ADAMTS2: variants seen among roughly 807,000 people sequenced by gnomAD.
ADAMTS2 encodes ADAM metallopeptidase with thrombospondin type 1 motif 2.
Under a neutral mutation model 123.0 loss-of-function variants are expected in ADAMTS2, and 50 were observed. The observed-to-expected ratio is 0.41, with a 90% CI of 0.32 to 0.51. The LOEUF (loss-of-function observed/expected upper bound fraction) is 0.51, where lower values mean the gene tolerates loss of function less well. ADAMTS2 is among the 20% of genes least tolerant of loss of function. The probability of loss-of-function intolerance (pLI) is 0.35; values close to 1 mark genes in which losing one functional copy is unlikely to be tolerated. For synonymous variants in ADAMTS2, 678 were observed against 695.4 expected (o/e 0.98, Z 0.39); for missense variants, 1,494 against 1,705.2 (o/e 0.88, Z 2.18).
rs780603629 is a variant in ADAMTS2, at chr5:179,343,859, C to T, written c.442G>A (p.Val148Met). 35 of 1,597,648 alleles carry T rather than the reference C, an allele frequency of 2.2e-5. No individual in the cohort carries two copies. The highest frequency in any genetic ancestry group is 5.3e-5 in the Admixed American group (3 of 56,534). Residue 148 changes from valine (V) to methionine (M), a missense_variant, in exon 2 of 22, where the codon GTG (valine) becomes ATG (methionine). Transcript: ENST00000251582. ...EWQGEKGTTR[V>M]EPLLGSCLYV... ...AGACAGCTCCCGAGCAGGGGCTCCA[C>T]GCGGGTGGTGCCCTTCTCGCCCTGC...
At chr5:179,167,817 C>T (rs1010071846) in intron 5 of ADAMTS2, among the ~76,000 whole-genome samples, 3 of 152,232 alleles carry the variant, frequency 2.0e-5, no homozygotes, top group African/African-American at 4.8e-5. Context: ...GGGGGGCTTC[C>T]GCCCATGACA....
rs1017085547 is a variant in ADAMTS2 at position 179,307,804 on chromosome 5, C to G, written c.535-34740G>C. ...AGTCCAGGTCCTAGCTCCGATGCCT[C>G]CTCACAAGGACCTTGGTGAAGGGTG... On this transcript the variant is annotated intron_variant, in intron 2 of 21. Coordinates refer to ENST00000251582, the MANE Select transcript of ADAMTS2 (RefSeq NM_014244.5). The surrounding 1 kb of genome is among the most constrained non-coding windows in gnomAD (Gnocchi z 5.6). Among the ~76,000 whole-genome samples the G allele has an allele frequency of 6.6e-6, 1 of 152,196 alleles. No homozygotes were observed. Among genetic ancestry groups the G allele is most frequent in the Non-Finnish European group, 1.5e-5 (1 of 68,040 alleles).
chr5:179,236,842 C>T (rs1458417060), intron 3 of ADAMTS2, among the ~76,000 whole-genome samples: 1 of 152,010 alleles, frequency 6.6e-6, no homozygotes, highest in Non-Finnish European at 1.5e-5. Context: ...ATATTTGTAC[C>T]CCCAAAATTC....
At chr5:179,167,315 C>A (rs1014987535) in intron 5 of ADAMTS2, among the ~76,000 whole-genome samples, 3 of 151,934 alleles carry the variant, frequency 2.0e-5, no homozygotes, top group Admixed American at 2.0e-4. Flanking sequence ...GCGGCCCGGG[C>A]CGGGGACGCA....
rs7721833 is a variant in ADAMTS2 at position 179,196,338 on chromosome 5, G to T, written c.891+11175C>A. On this transcript the variant is annotated intron_variant, in intron 4 of 21. Transcript: ENST00000251582. ...GGTTATAGCCGCGACTGAAGGCGCA[G>T]AAGATCCTTGGATTCCACGTTCTCC... Among the ~76,000 whole-genome samples the T allele has an allele frequency of 6.6e-5, 10 of 152,328 alleles. No homozygotes were observed. In the South Asian group the frequency reaches 2.1e-3, roughly 32 times the overall value.
At position 179,185,834 on chromosome 5, in the gene ADAMTS2, A is replaced by G. The variant is rs1282498304; in HGVS notation, c.892-4679T>C. Among the ~76,000 whole-genome samples the G allele has an allele frequency of 6.6e-6, 1 of 152,004 alleles. No homozygotes were observed. The highest frequency in any genetic ancestry group is 2.4e-5 in the African/African-American group (1 of 41,388). ...CCTGACCCTGGCCTCTGGAAGCCTC[A>G]GATGGTTCGGAGATTAACTGGGGCT... On this transcript the variant is annotated intron_variant, in intron 4 of 21. Coordinates refer to ENST00000251582, the MANE Select transcript of ADAMTS2 (RefSeq NM_014244.5). The surrounding 1 kb of genome is among the most constrained non-coding windows in gnomAD (Gnocchi z 5.9).
intron 5 of ADAMTS2, 152 bp from the exon 6 acceptor site, chr5:179,159,031 C>G (rs745619018): frequency 1.1e-5 from 11 of 1,006,918 alleles, no homozygotes; most frequent in African/African-American, 1.6e-5. Context: ...AGGACCTGCT[C>G]CCACTGGGCT....
intron 18 of ADAMTS2, 123 bp from the exon 19 acceptor site, chr5:179,125,303 C>T: frequency 1.3e-6 from 1 of 795,052 alleles, no homozygotes; most frequent in Non-Finnish European, 2.1e-6. Context: ...GCCTGCACCC[C>T]TCCCCGGTGC....
At chr5:179,140,924 C>T (rs35311590) in intron 10 of ADAMTS2, among the ~76,000 whole-genome samples, 30,977 of 150,516 alleles carry the variant, frequency 0.21, 3,696 homozygotes, top group East Asian at 0.34. Flanking sequence ...CTCAGCCTCC[C>T]GAGTAGCTGG....
intron 3 of ADAMTS2, among the ~76,000 whole-genome samples, chr5:179,208,487 G>A (rs930079761): frequency 6.6e-5 from 10 of 152,204 alleles, no homozygotes; most frequent in Admixed American, 2.0e-4. Flanking sequence ...GGCAGGCACT[G>A]ACCTCCTGCC....
At chr5:179,173,812 G>A (rs1763875175) in intron 5 of ADAMTS2, among the ~76,000 whole-genome samples, 1 of 152,170 alleles carries the variant, frequency 6.6e-6, no homozygotes, top group Non-Finnish European at 1.5e-5. Flanking sequence ...AGGAGTTCAA[G>A]ACCAGCCTGG....
chr5:179,171,626 A>C (rs572134013), intron 5 of ADAMTS2, among the ~76,000 whole-genome samples: 10 of 152,254 alleles, frequency 6.6e-5, no homozygotes, highest in African/African-American at 2.4e-4. Context: ...CCCCATGGGC[A>C]CTGGCGTCCC....
rs759328342 is a variant in ADAMTS2, at chr5:179,118,049, T to TG, written c.3178+3611dup. ...TTGAGTGAGGGGTGGCAGCCCCAGG[T>TG]GGGGTCCCCCTTCCACCTGGTCTAC... is the stretch of plus-strand genomic sequence containing the variant. On this transcript the variant is annotated intron_variant, in intron 21 of 21. Coordinates refer to ENST00000251582, the MANE Select transcript of ADAMTS2 (RefSeq NM_014244.5). The surrounding 1 kb of genome is among the most constrained non-coding windows in gnomAD (Gnocchi z 4.5). 3.9e-5 allele frequency among the ~76,000 whole-genome samples: 6 copies of TG among 152,274 alleles called. No homozygotes were observed. The highest frequency in any genetic ancestry group is 5.9e-5 in the Non-Finnish European group (4 of 68,024).
At chr5:179,275,433 C>T (rs540053569) in intron 2 of ADAMTS2, among the ~76,000 whole-genome samples, 1 of 152,222 alleles carries the variant, frequency 6.6e-6, no homozygotes, top group East Asian at 1.9e-4. Flanking sequence ...TACCCAGGCC[C>T]CCATCCCTGG....
At chr5:179,208,468 T>G (rs567568994) in intron 3 of ADAMTS2, among the ~76,000 whole-genome samples, 31 of 152,312 alleles carry the variant, frequency 2.0e-4, no homozygotes, top group Non-Finnish European at 4.0e-4. Context: ...TCCGCTGCAG[T>G]CGGCCCTGGG....
rs944481915 is a variant in ADAMTS2 at position 179,225,798 on chromosome 5, G to A, written c.689-18083C>T. On this transcript the variant is annotated intron_variant, in intron 3 of 21. Transcript: ENST00000251582. This position sits in a 1 kb window ranked among gnomAD's most constrained non-coding sequence, Gnocchi z 4.5. ...AGCTACTTCCACTCAATAAAACCTC[G>A]CACTCATTCTCCAAGCCCACGTGTG... Among the ~76,000 whole-genome samples, 5 of 152,078 alleles carry A rather than the reference G, an allele frequency of 3.3e-5. No homozygotes were observed. The highest frequency in any genetic ancestry group is 5.9e-5 in the Non-Finnish European group (4 of 68,006).
chr5:179,129,371 G>T lies in ADAMTS2; in HGVS notation c.2457+561C>A, dbSNP rs7711303. 0.046 allele frequency among the ~76,000 whole-genome samples: 6,994 copies of T among 152,272 alleles called. 541 individuals are homozygous for T. The highest frequency in any genetic ancestry group is 0.16 in the African/African-American group (6,585 of 41,530). On this transcript the variant is annotated intron_variant, in intron 16 of 21. Coordinates refer to ENST00000251582, the MANE Select transcript of ADAMTS2 (RefSeq NM_014244.5). This position sits in a 1 kb window ranked among gnomAD's most constrained non-coding sequence, Gnocchi z 4.1. ...GCTCCAGAGCATGGGAGCCTTATTT[G>T]TGATATGTACCTTTTTTGACAAATA...
chr5:179,150,647 C>T (rs930352983), intron 10 of ADAMTS2, among the ~76,000 whole-genome samples: 1 of 152,124 alleles, frequency 6.6e-6, no homozygotes, highest in African/African-American at 2.4e-5. Flanking sequence ...AAACATTCTG[C>T]TGAATGAAGT....
chr5:179,200,244 C>CTTTTTTTTCTTTTTTTTTT (rs1764530175), intron 4 of ADAMTS2, among the ~76,000 whole-genome samples: 1 of 103,694 alleles, frequency 9.6e-6, no homozygotes, highest in Non-Finnish European at 1.8e-5. Flanking sequence ...CCTTTCTTTC[C>CTTTTTTTTCTTTTTTTTTT]TTTTTTTTTT....
Sources: allele counts gnomAD v4.1 joint callset (sites outside exome capture counted in the v4.1 genomes callset), GRCh38; gene constraint gnomAD v4.1.1; non-coding constraint Gnocchi (gnomAD v3.1); transcripts MANE v1.5; gene names NCBI Gene and HGNC (gene_info 2026-07-23, HGNC 2026-07-21).